The following PTP4A3 variants were observed in gnomAD, a reference collection of about 807,000 sequenced individuals.
PTP4A3 encodes protein tyrosine phosphatase type IVA 3.
Under a neutral mutation model 15.2 loss-of-function variants are expected in PTP4A3, and 9 were observed. The ratio of observed to expected loss-of-function variants is 0.59; its 90% CI spans 0.36 to 1.03. The LOEUF (loss-of-function observed/expected upper bound fraction) is 1.03, where lower values mean the gene tolerates loss of function less well. Among genes scored for constraint, PTP4A3 ranks in the 50% least tolerant of loss-of-function variants. PTP4A3 has a pLI of 0.02. For missense variants in PTP4A3, 234 were observed against 252.1 expected, an observed-to-expected ratio of 0.93 and a Z score of 0.49; for synonymous variants, 95 against 102.0, an observed-to-expected ratio of 0.93 and a Z score of 0.41.
chr8:141,401,678 G>A (rs1018431108), intron 1 of PTP4A3, among the ~76,000 whole-genome samples: 6 of 152,304 alleles, frequency 3.9e-5, no homozygotes, highest in East Asian at 1.9e-4. Context: ...GGGCCGTCCC[G>A]AGGGGCCCCG....
At chr8:141,420,123 T>TG (rs1833259350) in intron 1 of PTP4A3, among the ~76,000 whole-genome samples, 1 of 149,708 alleles carries the variant, frequency 6.7e-6, no homozygotes, top group African/African-American at 2.4e-5. Flanking sequence ...GTGCTGGGGC[T>TG]GGGGCAGGGG....
intron 1 of PTP4A3, among the ~76,000 whole-genome samples, chr8:141,418,693 G>T (rs1833172763): frequency 6.6e-6 from 1 of 152,182 alleles, no homozygotes; most frequent in African/African-American, 2.4e-5. Flanking sequence ...CCCGTGCTGT[G>T]GGCCGCGGGC....
chr8:141,428,648 C>T (rs1003449260), intron 5 of PTP4A3, among the ~76,000 whole-genome samples: 16 of 151,890 alleles, frequency 1.1e-4, no homozygotes, highest in Admixed American at 2.0e-4. Flanking sequence ...GAGCGTGGCC[C>T]GCCCTGTGGG....
chr8:141,405,034 G>A (rs1192021007), intron 1 of PTP4A3, among the ~76,000 whole-genome samples: 3 of 152,288 alleles, frequency 2.0e-5, no homozygotes, highest in Non-Finnish European at 2.9e-5. Flanking sequence ...CTGACCCTGT[G>A]CCTGATCCTG....
chr8:141,417,690 G>C (rs1365409230), intron 1 of PTP4A3, among the ~76,000 whole-genome samples: 1 of 152,030 alleles, frequency 6.6e-6, no homozygotes, highest in Non-Finnish European at 1.5e-5. Context: ...GGGGTCCCGG[G>C]CGGCAGCGCC....
rs752082490 is a variant in PTP4A3 at position 141,422,262 on chromosome 8, GC to G, written c.26del (p.Pro9ArgfsTer4). 1 of 1,613,082 alleles carries G rather than the reference GC, an allele frequency of 6.2e-7. No homozygotes were observed. The highest frequency in any genetic ancestry group is 1.1e-5 in the South Asian group (1 of 91,084). On this transcript the variant is annotated frameshift_variant, in exon 2 of 6. Transcript: ENST00000521578. LOFTEE classifies it high-confidence loss of function. ...CGCCATGGCTCGGATGAACCGCCCG[GC>G]CCCGGTGGAGGTGAGCTACAAACAC... MARMNRP[A>X]PVEVSYKHMR...
intron 5 of PTP4A3, among the ~76,000 whole-genome samples, chr8:141,428,304 C>CAGGA (rs2130329705): frequency 6.6e-6 from 1 of 152,134 alleles, no homozygotes; most frequent in East Asian, 1.9e-4. Flanking sequence ...CCTCCCCGCC[C>CAGGA]TCCTTAGAGG....
intron 1 of PTP4A3, among the ~76,000 whole-genome samples, chr8:141,409,477 C>T (rs889509698): frequency 3.3e-4 from 51 of 152,324 alleles, no homozygotes; most frequent in East Asian, 1.2e-3. Flanking sequence ...GACCTCCTGC[C>T]CACCCCTTCT....
At chr8:141,410,956 T>G (rs73713628) in intron 1 of PTP4A3, among the ~76,000 whole-genome samples, 2,516 of 152,210 alleles carry the variant, frequency 0.017, 84 homozygotes, top group African/African-American at 0.057. Flanking sequence ...TCTCTGAGCC[T>G]CAGGTTCCCC....
At chr8:141,428,186 C>G (rs1833676563) in intron 5 of PTP4A3, among the ~76,000 whole-genome samples, 1 of 152,162 alleles carries the variant, frequency 6.6e-6, no homozygotes, top group South Asian at 2.1e-4. Context: ...CCCCACACCA[C>G]ACCGTGTCCA....
At position 141,411,431 on chromosome 8, in the gene PTP4A3, TG is replaced by T. The variant is rs1260357680; in HGVS notation, c.-853-9952del. ...CCTCCAGCCCCTCCACCATGTGTCC[TG>T]GGGGTAGCCCTATCCCCCTGGGCCT... On this transcript the variant is annotated intron_variant, in intron 1 of 5. Coordinates refer to ENST00000521578, the MANE Select transcript of PTP4A3 (RefSeq NM_032611.3). 5.9e-5 allele frequency among the ~76,000 whole-genome samples: 9 copies of T among 152,296 alleles called. No homozygotes were observed. The East Asian group carries it at 1.4e-3, about 23-fold the overall frequency.
intron 2 of PTP4A3, among the ~76,000 whole-genome samples, chr8:141,423,323 C>T: frequency 6.6e-6 from 1 of 152,334 alleles, no homozygotes; most frequent in African/African-American, 2.4e-5. Context: ...GCAGCATCTA[C>T]AGAAAGATTG....
chr8:141,401,186 T>C (rs1832581480), intron 1 of PTP4A3, among the ~76,000 whole-genome samples: 1 of 152,162 alleles, frequency 6.6e-6, no homozygotes, highest in Admixed American at 6.5e-5. Context: ...GGAGGGAAGC[T>C]GGTGTCTGAG....
At chr8:141,428,798 G>A (rs113125876) in intron 5 of PTP4A3, among the ~76,000 whole-genome samples, 3 of 144,540 alleles carry the variant, frequency 2.1e-5, no homozygotes, top group Non-Finnish European at 3.0e-5. Flanking sequence ...CCAGGCATAC[G>A]CAGGCACACA....
chr8:141,423,771 A>G (rs7463766), intron 2 of PTP4A3, among the ~76,000 whole-genome samples: 89,826 of 151,178 alleles, frequency 0.59, 26,854 homozygotes, highest in Middle Eastern at 0.65. Context: ...ACCAGGATTG[A>G]GGCTTAGTAG....
chr8:141,418,507 C>T (rs191479347), intron 1 of PTP4A3, among the ~76,000 whole-genome samples: 2 of 152,306 alleles, frequency 1.3e-5, no homozygotes, highest in African/African-American at 4.8e-5. Context: ...TTCCTCATCT[C>T]GCAAACAGGG....
intron 1 of PTP4A3, among the ~76,000 whole-genome samples, chr8:141,410,466 G>C (rs1459988213): frequency 6.6e-6 from 1 of 152,248 alleles, no homozygotes; most frequent in Non-Finnish European, 1.5e-5. Flanking sequence ...GGGTTCTGAG[G>C]CACCTGCTGG....
intron 1 of PTP4A3, among the ~76,000 whole-genome samples, chr8:141,412,838 G>A (rs1832905526): frequency 6.6e-6 from 1 of 152,230 alleles, no homozygotes; most frequent in Admixed American, 6.5e-5. Context: ...TGGGAGCTCA[G>A]GAGAGGGGCC....
At chr8:141,409,254 C>G (rs1832805926) in intron 1 of PTP4A3, among the ~76,000 whole-genome samples, 1 of 152,244 alleles carries the variant, frequency 6.6e-6, no homozygotes, top group African/African-American at 2.4e-5. Context: ...CACTGCCAGA[C>G]AGGGCAAAGT....
Sources: allele counts gnomAD v4.1 joint callset (sites outside exome capture counted in the v4.1 genomes callset), GRCh38; gene constraint gnomAD v4.1.1; transcripts MANE v1.5; gene names NCBI Gene and HGNC (gene_info 2026-07-23, HGNC 2026-07-21).